Variants in EBAG9 observed in about 807,000 individuals in gnomAD.
EBAG9 encodes estrogen receptor binding site associated antigen 9.
A neutral mutation model predicts 30.9 loss-of-function variants in EBAG9; 16 were observed. That is an observed-to-expected ratio of 0.52 (90% CI 0.35 to 0.79). The LOEUF is 0.79. Ranked by LOEUF, EBAG9 falls within the 30% of genes least tolerant of loss-of-function variation. The pLI is 0.01. For missense variants in EBAG9, 197 were observed against 242.1 expected, an observed-to-expected ratio of 0.81 and a Z score of 1.24; for synonymous variants, 93 against 82.8, an observed-to-expected ratio of 1.12 and a Z score of -0.67.
chr8:109,557,569 C>T (rs188049421), intron 5 of EBAG9, among the ~76,000 whole-genome samples: 2,204 of 152,234 alleles, frequency 0.014, 59 homozygotes, highest in African/African-American at 0.051. Flanking sequence ...AAGCTTTAAG[C>T]ATGCTTTGAT....
rs1374495426 is a variant in EBAG9 at position 109,540,192 on chromosome 8, T to A, written c.-285T>A. 6 of 152,420 alleles carry A rather than the reference T, an allele frequency of 3.9e-5. No individual in the cohort carries two copies. Among genetic ancestry groups the A allele is most frequent in the Non-Finnish European group, 8.8e-5 (6 of 68,176 alleles). The allele number at this position is 152,420 out of a possible 1,614,324, so 9.4% of individuals were successfully genotyped here. On this transcript the variant is annotated 5_prime_UTR_variant, in exon 1 of 7. The change abolishes an upstream ATG in the 5' untranslated region. Coordinates refer to ENST00000337573, the MANE Select transcript of EBAG9 (RefSeq NM_004215.5). Reference sequence around the variant, plus strand: ...GGACCCAGGCGTGCAGCATTCGCCATGCTCCGCTCACGCGTGGGAGACTGG... The same window carrying A: ...GGACCCAGGCGTGCAGCATTCGCCAAGCTCCGCTCACGCGTGGGAGACTGG...
chr8:109,546,233 G>GT (rs1821380774), intron 1 of EBAG9, among the ~76,000 whole-genome samples: 2 of 152,180 alleles, frequency 1.3e-5, no homozygotes, highest in Non-Finnish European at 2.9e-5. Context: ...TCTAATTTAA[G>GT]TGACATAATA....
chr8:109,565,994 G>T lies in EBAG9; in HGVS notation c.*1435G>T, dbSNP rs1319837592. 6.6e-6 allele frequency: 1 copy of T among 151,988 alleles called. No individual in the cohort carries two copies. Among genetic ancestry groups the T allele is most frequent in the African/African-American group, 2.4e-5 (1 of 41,412 alleles). 9.4% of individuals were successfully genotyped at this position (151,988 alleles called of 1,614,324 possible). On this transcript the variant is annotated 3_prime_UTR_variant, in exon 7 of 7. Coordinates refer to ENST00000337573, the MANE Select transcript of EBAG9 (RefSeq NM_004215.5). Reference sequence around the variant, plus strand: ...TGCTAATAAACTCCCAACTTAAATAGAATTGGGCTCAAAGTTTTAATAATG... The same window carrying T: ...TGCTAATAAACTCCCAACTTAAATATAATTGGGCTCAAAGTTTTAATAATG...
At chr8:109,546,524 G>T (rs1445903248) in intron 1 of EBAG9, among the ~76,000 whole-genome samples, 1 of 152,178 alleles carries the variant, frequency 6.6e-6, no homozygotes, top group Non-Finnish European at 1.5e-5. Context: ...AATTTCTCGA[G>T]CAACCTTGTC....
intron 1 of EBAG9, among the ~76,000 whole-genome samples, chr8:109,547,296 C>T (rs1047955759): frequency 2.0e-5 from 3 of 152,136 alleles, no homozygotes; most frequent in African/African-American, 7.2e-5. Context: ...ATTTTACTTT[C>T]CCACCACCAA....
At chr8:109,561,494 T>G (rs1393914710) in intron 6 of EBAG9, among the ~76,000 whole-genome samples, 1 of 152,072 alleles carries the variant, frequency 6.6e-6, no homozygotes, top group African/African-American at 2.4e-5. Context: ...TGTTCTTTTT[T>G]GTGTGTGAGC....
chr8:109,556,861 A>G (rs1821607856), intron 4 of EBAG9, 74 bp from the exon 5 acceptor site: 3 of 674,250 alleles, frequency 4.4e-6, no homozygotes, highest in Non-Finnish European at 6.8e-6. Flanking sequence ...GTAATTAGAA[A>G]ATGTTTTGGT....
intron 1 of EBAG9, among the ~76,000 whole-genome samples, chr8:109,544,366 T>C (rs1821342227): frequency 6.6e-6 from 1 of 152,236 alleles, no homozygotes. Context: ...GTCAGCACTC[T>C]AAATAATTGT....
In EBAG9 at chr8:109,550,589, A is replaced by G. The variant is rs118001166; in HGVS notation, c.-15-221A>G. ...GTAAAATTATTTTCAAAAACTCAGA[A>G]TGAAGGGTTTTATCCTTACAACCAT... On this transcript the variant is annotated intron_variant, in intron 1 of 6. Transcript: ENST00000337573. 397 of 361,922 alleles carry G rather than the reference A, an allele frequency of 1.1e-3. 7 individuals are homozygous for G. The East Asian group carries it at 0.02, about 19-fold the overall frequency. The allele number at this position is 361,922 out of a possible 1,614,324, so 22.4% of individuals were successfully genotyped here.
chr8:109,543,663 A>G (rs1397054350), intron 1 of EBAG9, among the ~76,000 whole-genome samples: 1 of 152,094 alleles, frequency 6.6e-6, no homozygotes, highest in Non-Finnish European at 1.5e-5. Context: ...AACCTATTCA[A>G]TGTAATATTT....
rs1390377321 is a variant in EBAG9 at position 109,556,925 on chromosome 8, A to C, written c.322-10A>C. 1 of 1,513,120 alleles carries C rather than the reference A, an allele frequency of 6.6e-7. No individual in the cohort carries two copies. The highest frequency in any genetic ancestry group is 1.9e-5 in the Admixed American group (1 of 52,642). 93.7% of individuals were successfully genotyped at this position (1,513,120 alleles called of 1,614,324 possible). ...AGATCCCTATAATTCTTTTTCAATTAATCTTTCAGATTGTTATTAAGAAGA... is the reference window on the plus strand; with the variant it reads ...AGATCCCTATAATTCTTTTTCAATTCATCTTTCAGATTGTTATTAAGAAGA... On this transcript the variant is annotated splice_polypyrimidine_tract_variant and intron_variant, in intron 4 of 6. Coordinates refer to ENST00000337573, the MANE Select transcript of EBAG9 (RefSeq NM_004215.5).
rs148597429 is a variant in EBAG9 at position 109,553,244 on chromosome 8, A to T, written c.84-621A>T. On this transcript the variant is annotated intron_variant, in intron 2 of 6. Transcript: ENST00000337573. ...GGGTTTGAATACCTGCATTTTATAG[A>T]TGAGGCTGTTGAGGCTGAAAAGTAG... Among the ~76,000 whole-genome samples the T allele has an allele frequency of 1.7e-4, 26 of 152,324 alleles. No individual in the cohort carries two copies. The East Asian group carries it at 4.6e-3, about 27-fold the overall frequency.
chr8:109,559,390 C>T (rs982573885), intron 5 of EBAG9, among the ~76,000 whole-genome samples: 1 of 152,004 alleles, frequency 6.6e-6, no homozygotes, highest in African/African-American at 2.4e-5. Flanking sequence ...CCCAAGAGGT[C>T]GAGGCTGCCG....
Position 109,540,261 on chromosome 8 carries a change from C to T in EBAG9, c.-216C>T, listed in dbSNP as rs527739951. 6.6e-6 allele frequency: 1 copy of T among 152,662 alleles called. No homozygotes were observed. The highest frequency in any genetic ancestry group is 2.4e-5 in the African/African-American group (1 of 41,590). 9.5% of individuals were successfully genotyped at this position (152,662 alleles called of 1,614,324 possible). On this transcript the variant is annotated 5_prime_UTR_variant, in exon 1 of 7. Coordinates refer to ENST00000337573, the MANE Select transcript of EBAG9 (RefSeq NM_004215.5). ...GGAAAGCACGCAGCCTCCAAAGCCG[C>T]CTTCCTCAGGGAAATTTGCGTGACC...
At position 109,554,896 on chromosome 8, in the gene EBAG9, A is replaced by G; in HGVS notation, c.321+9A>G. 6.2e-7 allele frequency: 1 copy of G among 1,609,950 alleles called. No individual in the cohort carries two copies. The highest frequency in any genetic ancestry group is 8.5e-7 in the Non-Finnish European group (1 of 1,177,536). The stretch of plus-strand genomic sequence containing the variant: ...TTAGGAAAACTCAGAAAGTATGTTA[A>G]GATTTATGCTTTTGGAGATTAAACT... On this transcript the variant is annotated intron_variant, in intron 4 of 6. Transcript: ENST00000337573.
chr8:109,551,735 A>G (rs1305185765), intron 2 of EBAG9, among the ~76,000 whole-genome samples: 1 of 152,148 alleles, frequency 6.6e-6, no homozygotes, highest in Non-Finnish European at 1.5e-5. Context: ...AAAAGCGAGT[A>G]CTGCACCAAA....
At chr8:109,563,551 A>C (rs771073987) in intron 6 of EBAG9, 100 of 1,580,292 alleles carry the variant, frequency 6.3e-5, no homozygotes, top group Non-Finnish European at 8.1e-5. Context: ...TATTTCACAA[A>C]GTATGATTAG....
chr8:109,545,698 T>C (rs1488706372), intron 1 of EBAG9, among the ~76,000 whole-genome samples: 1 of 152,170 alleles, frequency 6.6e-6, no homozygotes, highest in Admixed American at 6.5e-5. Context: ...ATTCCTATCA[T>C]TGCTATGGCT....
chr8:109,559,855 A>G (rs1316070266), intron 5 of EBAG9, among the ~76,000 whole-genome samples: 1 of 151,572 alleles, frequency 6.6e-6, no homozygotes, highest in Non-Finnish European at 1.5e-5. Context: ...ATTTCTACCT[A>G]CTGCGGTCAA....
Sources: gnomAD v4.1 joint callset for allele counts (sites outside exome capture counted in the v4.1 genomes callset) on GRCh38, gnomAD v4.1.1 for gene constraint, MANE v1.5 for transcripts, NCBI Gene and HGNC (gene_info 2026-07-23, HGNC 2026-07-21) for gene names.